NLRP2: variants seen among roughly 807,000 people sequenced by gnomAD.
NLRP2 encodes NACHT, LRR and PYD domains-containing protein 2.
Under a neutral mutation model 97.2 loss-of-function variants are expected in NLRP2, and 107 were observed. The observed-to-expected ratio is 1.10, with a 90% confidence interval of 0.94 to 1.29. The LOEUF is 1.29. Ranked by LOEUF, NLRP2 falls within the 50% of genes most tolerant of loss-of-function variation. The pLI, the probability that NLRP2 is intolerant of heterozygous loss-of-function variation, is 0.00. For synonymous variants in NLRP2, 663 were observed against 551.5 expected, an observed-to-expected ratio of 1.20 and a Z score of -2.83; for missense variants, 1,495 against 1,330.3, an observed-to-expected ratio of 1.12 and a Z score of -1.93.
rs148932752 is a variant in NLRP2 at position 54,990,037 on chromosome 19, C to T, written c.2382C>T (p.Ser794=). ...TCTCCCACAGGTTGGTGTCTTGTTC[C>T]GCTACCACTCAGCAGTGGGCTGATC... ...NLRYLGLVSC[S]ATTQQWADLS... The change falls in exon 9 of 13, where the codon TCC becomes TCT. Residue 794 remains serine, a synonymous_variant. Transcript: ENST00000448584. 1.3e-4 allele frequency: 212 copies of T among 1,613,824 alleles called. No homozygotes were observed. The highest frequency in any genetic ancestry group is 3.3e-4 in the Middle Eastern group (2 of 6,050).
rs1263508761 is a variant in NLRP2 at position 54,983,076 on chromosome 19, G to A, written c.1378G>A (p.Ala460Thr). 4 of 1,612,762 alleles carry A rather than the reference G, an allele frequency of 2.5e-6. No individual in the cohort carries two copies. The highest frequency in any genetic ancestry group is 3.4e-6 in the Non-Finnish European group (4 of 1,179,810). The change falls in exon 6 of 13, where the codon GCG becomes ACG. Residue 460 changes from alanine (A) to threonine (T), a missense_variant. Coordinates refer to ENST00000448584, the MANE Select transcript of NLRP2 (RefSeq NM_017852.5). Reference sequence around the variant, plus strand: ...CCTCCTGGCCGCGCAGGGCCTGTGGGCGCAGACGTCCGTGCTTCACCGAGA... The same window carrying A: ...CCTCCTGGCCGCGCAGGGCCTGTGGACGCAGACGTCCGTGCTTCACCGAGA... Reference protein sequence around the residue: ...LSLLAAQGLWAQTSVLHREDL... With the variant: ...LSLLAAQGLWTQTSVLHREDL...
intron 10 of NLRP2, chr19:54,993,399 C>T (rs992322556): frequency 2.6e-5 from 4 of 151,870 alleles, no homozygotes; most frequent in African/African-American, 9.7e-5. Flanking sequence ...CATTATAGTT[C>T]AAATTATAAT....
At position 54,990,564 on chromosome 19, in the gene NLRP2, G is replaced by C. The variant is rs556839625; in HGVS notation, c.2600G>C (p.Ser867Thr). 2.0e-5 allele frequency: 33 copies of C among 1,614,184 alleles called. No individual in the cohort carries two copies. The highest frequency in any genetic ancestry group is 4.5e-5 in the East Asian group (2 of 44,884). Reference protein sequence around the residue: ...CKDLAAVLVVSRELTHLCLAK... With the variant: ...CKDLAAVLVVTRELTHLCLAK... ...GACCTTGCTGCTGTGTTGGTTGTCA[G>C]CCGGGAGCTGACACACCTGTGCTTG... The change falls in exon 10 of 13, where the codon AGC becomes ACC. Residue 867 changes from serine (S) to threonine (T), a missense_variant. Ser to Thr is a moderately conservative substitution (Grantham distance 58). Coordinates refer to ENST00000448584, the MANE Select transcript of NLRP2 (RefSeq NM_017852.5).
At chr19:54,985,821 G>GA (rs1411322943) in intron 7 of NLRP2, among the ~76,000 whole-genome samples, 5 of 151,970 alleles carry the variant, frequency 3.3e-5, no homozygotes, top group Non-Finnish European at 7.4e-5. Context: ...GATGGTGCAA[G>GA]ACCCTGTCTC....
At chr19:54,987,615 G>A (rs1296572294) in intron 8 of NLRP2, among the ~76,000 whole-genome samples, 2 of 152,008 alleles carry the variant, frequency 1.3e-5, no homozygotes, top group South Asian at 4.1e-4. Flanking sequence ...GTTGGCGCAC[G>A]CCTGTAGTCC....
At position 54,977,829 on chromosome 19, in the gene NLRP2, T is replaced by A; in HGVS notation, c.397+6T>A. The A allele has an allele frequency of 1.9e-6, 3 of 1,613,340 alleles. No homozygotes were observed. Among genetic ancestry groups the A allele is most frequent in the Non-Finnish European group, 2.5e-6 (3 of 1,179,836 alleles). The stretch of plus-strand genomic sequence containing the variant: ...CTTCAAAACAGAAGCACAAGGTGGG[T>A]GTCAGGACCTCCAATGTTGGAGTCA... On this transcript the variant is annotated splice_donor_region_variant and intron_variant, in intron 4 of 12. Coordinates refer to ENST00000448584, the MANE Select transcript of NLRP2 (RefSeq NM_017852.5).
Position 54,974,553 on chromosome 19 carries a change from C to T in NLRP2, c.325+9C>T, listed in dbSNP as rs767880856. The T allele has an allele frequency of 2.6e-6, 4 of 1,563,588 alleles. No homozygotes were observed. In the South Asian group the frequency reaches 3.3e-5, roughly 13 times the overall value. ...GAAGCCTCTATCATTAGGTAAGTTA[C>T]CTCATTTATAACTTTTATTCTTCAT... On this transcript the variant is annotated intron_variant, in intron 3 of 12. Transcript: ENST00000448584.
chr19:54,990,890 T>G, intron 10 of NLRP2: 1 of 587,194 alleles, frequency 1.7e-6, no homozygotes. Flanking sequence ...GGAATGTAGC[T>G]GGTTTTCGGG....
At chr19:54,984,948 T>C (rs186099935) in intron 6 of NLRP2, 99 bp from the exon 7 acceptor site, 41 of 1,113,016 alleles carry the variant, frequency 3.7e-5, no homozygotes, top group South Asian at 2.2e-4. Flanking sequence ...CAGCTTTCAA[T>C]TGTACTCATT....
In NLRP2 at chr19:54,982,689, G is replaced by A. The variant is rs200189881; in HGVS notation, c.991G>A (p.Ala331Thr). Residue 331 changes from alanine (A) to threonine (T), a missense_variant, in exon 6 of 13, where the codon GCC (alanine) becomes ACC (threonine). Physicochemically the swap from Ala to Thr is moderately conservative, Grantham distance 58 (BLOSUM62 0). Transcript: ENST00000448584. ...LLNRVMLPKA[A>T]LLVTTRPRAL... ...GAACAGGGTGATGTTACCCAAGGCC[G>A]CCCTGCTGGTCACCACGCGGCCCAG... 9.3e-6 allele frequency: 15 copies of A among 1,613,958 alleles called. No individual in the cohort carries two copies. Among genetic ancestry groups the A allele is most frequent in the African/African-American group, 1.3e-5 (1 of 74,928 alleles).
chr19:54,966,811 C>G (rs753462237), intron 1 of NLRP2, among the ~76,000 whole-genome samples: 2 of 148,572 alleles, frequency 1.3e-5, no homozygotes, highest in Non-Finnish European at 3.0e-5. Context: ...CAGGCGTGAG[C>G]CACCGCGCCC....
Position 54,990,142 on chromosome 19 carries a change from G to C in NLRP2, c.2487G>C (p.Lys829Asn). The change falls in exon 9 of 13, where the codon AAG (lysine) becomes AAC (asparagine). Residue 829 changes from lysine (K) to asparagine (N), a missense_variant. By Grantham distance (94) the Lys-to-Asn change is moderately conservative (BLOSUM62 0). Coordinates refer to ENST00000448584, the MANE Select transcript of NLRP2 (RefSeq NM_017852.5). Reference protein sequence around the residue: ...SDNELLDEGAKLLYTTLRHPK... With the variant: ...SDNELLDEGANLLYTTLRHPK... The stretch of plus-strand genomic sequence containing the variant: ...ATGAGCTTCTGGATGAGGGTGCTAA[G>C]TTGCTGTACACAACTTTGAGACACC... The C allele has an allele frequency of 1.2e-6, 2 of 1,614,168 alleles. No individual in the cohort carries two copies. The highest frequency in any genetic ancestry group is 1.7e-6 in the Non-Finnish European group (2 of 1,180,040).
Position 54,977,807 on chromosome 19 carries a change from C to T in NLRP2, c.381C>T (p.Phe127=). The T allele has an allele frequency of 1.2e-6, 2 of 1,613,750 alleles. No individual in the cohort carries two copies. The highest frequency in any genetic ancestry group is 2.2e-5 in the East Asian group (1 of 44,874). ...PLDVDEMLER[F]KTEAQAFTET... is the part of the protein sequence containing the mutation. ...ACGTGGACGAAATGCTGGAGCGCTT[C>T]AAAACAGAAGCACAAGGTGGGTGTC... Residue 127 remains phenylalanine (F), a synonymous_variant, in exon 4 of 13, where the codon TTC becomes TTT. Coordinates refer to ENST00000448584, the MANE Select transcript of NLRP2 (RefSeq NM_017852.5).
intron 2 of NLRP2, 65 bp downstream of exon 2, chr19:54,970,360 A>C (rs1425906067): frequency 1.3e-6 from 2 of 1,594,436 alleles, no homozygotes; most frequent in East Asian, 4.5e-5. Flanking sequence ...GGACTTTAGA[A>C]ATTCAGAAGG....
intron 4 of NLRP2, among the ~76,000 whole-genome samples, chr19:54,981,029 T>C (rs1302205381): frequency 6.6e-6 from 1 of 151,916 alleles, no homozygotes; most frequent in East Asian, 1.9e-4. Flanking sequence ...GAGAATCGCT[T>C]GAACCCGGGA....
At chr19:54,980,668 A>C (rs926174390) in intron 4 of NLRP2, among the ~76,000 whole-genome samples, 10 of 152,208 alleles carry the variant, frequency 6.6e-5, no homozygotes, top group African/African-American at 2.4e-4. Flanking sequence ...GCTGATTGAT[A>C]ATGTCAACAG....
At chr19:54,968,386 G>T (rs1206134602) in intron 1 of NLRP2, among the ~76,000 whole-genome samples, 2 of 151,580 alleles carry the variant, frequency 1.3e-5, no homozygotes, top group African/African-American at 2.4e-5. Flanking sequence ...GTGCAGTGGT[G>T]CGATCACAGC....
chr19:54,992,538 T>TG (rs58208380), intron 10 of NLRP2, among the ~76,000 whole-genome samples: 131 of 101,112 alleles, frequency 1.3e-3, no homozygotes, highest in Middle Eastern at 0.014. Flanking sequence ...GGTATTTTTT[T>TG]GGGGGGGGGG....
In NLRP2 at chr19:54,982,930, A is replaced by T. The variant is rs746794364; in HGVS notation, c.1232A>T (p.Gln411Leu). 3.1e-6 allele frequency: 5 copies of T among 1,612,872 alleles called. No individual in the cohort carries two copies. The African/African-American group carries it at 4.0e-5, about 13-fold the overall frequency. The change falls in exon 6 of 13, where the codon CAG (glutamine) becomes CTG (leucine). Residue 411 changes from glutamine (Q) to leucine (L), a missense_variant. Transcript: ENST00000448584. ...ATCGTGTGCACGACTCTGAAGCTGC[A>T]GATGGAGAAGGGGGAGGACCCGGTC... ...CWIVCTTLKL[Q>L]MEKGEDPVPT...
Sources: allele counts gnomAD v4.1 joint callset (sites outside exome capture counted in the v4.1 genomes callset), GRCh38; gene constraint gnomAD v4.1.1; transcripts MANE v1.5; gene names NCBI Gene and HGNC (gene_info 2026-07-23, HGNC 2026-07-21).